Variants in PCSK5 observed in about 807,000 individuals in gnomAD.
PCSK5 encodes prohormone convertase 5.
Under a neutral mutation model 233.2 loss-of-function variants are expected in PCSK5, and 129 were observed. The ratio of observed to expected loss-of-function variants is 0.55; its 90% CI spans 0.48 to 0.64. PCSK5 has a LOEUF of 0.64. Among genes scored for constraint, PCSK5 ranks in the 30% least tolerant of loss-of-function variants. The pLI, the probability that PCSK5 is intolerant of heterozygous loss-of-function variation, is 0.00. For synonymous variants in PCSK5, 825 were observed against 879.2 expected (o/e 0.94, Z 1.09); for missense variants, 2,076 against 2,430.1 (o/e 0.85, Z 3.06).
In PCSK5 at chr9:76,279,422, A is replaced by C. The variant is rs1006344750; in HGVS notation, c.3143-12811A>C. ...GCATGATTTATAGTCCTTTGGGTAT[A>C]TACCCAGTAATGGGATGGCTGGGTC... On this transcript the variant is annotated intron_variant, in intron 24 of 37. Coordinates refer to ENST00000674117, the MANE Select transcript of PCSK5 (RefSeq NM_001372043.1). Among the ~76,000 whole-genome samples the C allele has an allele frequency of 3.9e-3, 583 of 151,162 alleles. 3 individuals carry two copies. The highest frequency in any genetic ancestry group is 0.013 in the African/African-American group (542 of 40,776).
chr9:75,999,653 C>T (rs1236408199), intron 3 of PCSK5, among the ~76,000 whole-genome samples: 5 of 152,212 alleles, frequency 3.3e-5, no homozygotes, highest in East Asian at 1.9e-4. Flanking sequence ...GTTGCTTGCC[C>T]TCATTCCCGT....
At chr9:76,225,070 G>A (rs1825845288) in intron 20 of PCSK5, among the ~76,000 whole-genome samples, 2 of 152,214 alleles carry the variant, frequency 1.3e-5, no homozygotes, top group Non-Finnish European at 2.9e-5. Context: ...AGGCACTGAT[G>A]TCAAGGCAAA....
chr9:76,332,099 C>T (rs1344295986), intron 33 of PCSK5, among the ~76,000 whole-genome samples: 1 of 152,162 alleles, frequency 6.6e-6, no homozygotes, highest in African/African-American at 2.4e-5. Flanking sequence ...TTCTGTTCTA[C>T]CCACCACAGC....
In PCSK5 at chr9:76,227,531, C is replaced by G; in HGVS notation, c.2655C>G (p.Cys885Trp). The change falls in exon 21 of 38, where the codon TGC (cysteine) becomes TGG (tryptophan). Residue 885 changes from cysteine (C) to tryptophan (W), a missense_variant. Cys to Trp is a radical substitution (Grantham distance 215). This residue lies in a region of PCSK5 where 1,510 missense variants were observed against 1,538.1 expected (regional missense o/e 0.98). Transcript: ENST00000674117. Reference sequence around the variant, plus strand: ...AATATGTTGATGAGCATGGCCACTGCCAGACCTGTGAGGCCTCATGTGCCA... The same window carrying G: ...AATATGTTGATGAGCATGGCCACTGGCAGACCTGTGAGGCCTCATGTGCCA... ...DGEYVDEHGH[C>W]QTCEASCAKC... is the part of the protein sequence containing the mutation. 6.2e-7 allele frequency: 1 copy of G among 1,611,768 alleles called. No homozygotes were observed. The highest frequency in any genetic ancestry group is 1.3e-5 in the African/African-American group (1 of 75,010).
intron 20 of PCSK5, among the ~76,000 whole-genome samples, chr9:76,223,153 T>C (rs991472669): frequency 1.3e-5 from 2 of 152,234 alleles, no homozygotes; most frequent in African/African-American, 4.8e-5. Context: ...ATCATCTTGC[T>C]AAAAAGTTTT....
At chr9:76,236,513 A>T (rs902748522) in intron 22 of PCSK5, among the ~76,000 whole-genome samples, 11 of 152,218 alleles carry the variant, frequency 7.2e-5, no homozygotes, top group Non-Finnish European at 1.5e-4. Flanking sequence ...TCGTCTACAT[A>T]CTATTATAAT....
At chr9:76,342,763 C>T (rs1479913685) in intron 35 of PCSK5, among the ~76,000 whole-genome samples, 2 of 152,104 alleles carry the variant, frequency 1.3e-5, no homozygotes, top group East Asian at 3.9e-4. Context: ...CAACTCCTCA[C>T]CCCACTCCCA....
At chr9:76,131,841 T>C (rs189466513) in intron 9 of PCSK5, among the ~76,000 whole-genome samples, 1 of 152,074 alleles carries the variant, frequency 6.6e-6, no homozygotes, top group Non-Finnish European at 1.5e-5. Flanking sequence ...TAAAGGAGAG[T>C]TAAATTTAAG....
intron 2 of PCSK5, among the ~76,000 whole-genome samples, chr9:75,960,597 T>C (rs1825307651): frequency 6.6e-6 from 1 of 152,224 alleles, no homozygotes; most frequent in Non-Finnish European, 1.5e-5. Context: ...TTAAATCTTA[T>C]TACTATAAAG....
chr9:76,332,359 A>G (rs912212821), intron 33 of PCSK5, 74 bp from the exon 34 acceptor site: 1 of 1,115,634 alleles, frequency 9.0e-7, no homozygotes, highest in African/African-American at 1.5e-5. Context: ...CCGCCATGGT[A>G]CACAAGAGGG....
chr9:76,345,311 C>A (rs921333799), intron 35 of PCSK5, among the ~76,000 whole-genome samples: 2 of 152,158 alleles, frequency 1.3e-5, no homozygotes, highest in Non-Finnish European at 2.9e-5. Context: ...TGGCTCACCG[C>A]AGTTTCCGCC....
chr9:76,226,182 T>C (rs1469454498), intron 20 of PCSK5, among the ~76,000 whole-genome samples: 1 of 152,172 alleles, frequency 6.6e-6, no homozygotes, highest in African/African-American at 2.4e-5. Flanking sequence ...ACTCTGAACA[T>C]GCACTTTTCC....
chr9:75,988,188 C>T (rs950797682), intron 3 of PCSK5, among the ~76,000 whole-genome samples: 2 of 152,190 alleles, frequency 1.3e-5, no homozygotes, highest in Non-Finnish European at 2.9e-5. Context: ...TTTTTCAACA[C>T]ATATTTGATG....
chr9:76,030,516 C>A (rs1024039682), intron 5 of PCSK5, among the ~76,000 whole-genome samples: 6 of 152,152 alleles, frequency 3.9e-5, no homozygotes. Context: ...TTACTGATGA[C>A]ATGTATTGAG....
chr9:76,184,807 A>C, intron 17 of PCSK5, 50 bp downstream of exon 17: 17 of 1,079,818 alleles, frequency 1.6e-5, no homozygotes, highest in Non-Finnish European at 2.4e-5. Flanking sequence ...AGAGCTTCTC[A>C]ATGTAAATAA....
chr9:76,096,766 T>C (rs1170002460), intron 8 of PCSK5, among the ~76,000 whole-genome samples: 1 of 151,996 alleles, frequency 6.6e-6, no homozygotes, highest in African/African-American at 2.4e-5. Flanking sequence ...TGTGCCCAGC[T>C]AATTTTTGTA....
chr9:76,289,342 G>A (rs1386534789), intron 24 of PCSK5, among the ~76,000 whole-genome samples: 1 of 151,942 alleles, frequency 6.6e-6, no homozygotes, highest in Non-Finnish European at 1.5e-5. Context: ...CCCAAAATAT[G>A]CTCTCTCAGC....
intron 21 of PCSK5, among the ~76,000 whole-genome samples, chr9:76,229,304 T>G (rs1826000661): frequency 6.6e-6 from 1 of 152,228 alleles, no homozygotes; most frequent in Admixed American, 6.5e-5. Context: ...TAGGGGAATA[T>G]TTTAACATTT....
chr9:75,926,451 T>A (rs189062507), intron 1 of PCSK5, among the ~76,000 whole-genome samples: 1 of 152,306 alleles, frequency 6.6e-6, no homozygotes, highest in African/African-American at 2.4e-5. Context: ...CTGCTGTCAC[T>A]TAATAGGGTG....
Sources: gnomAD v4.1 joint callset for allele counts (sites outside exome capture counted in the v4.1 genomes callset) on GRCh38, gnomAD v4.1.1 for gene constraint, gnomAD v4.1.1 regional missense constraint, MANE v1.5 for transcripts, NCBI Gene and HGNC (gene_info 2026-07-23, HGNC 2026-07-21) for gene names.